The following CCDC63 variants were observed in gnomAD, a reference collection of about 807,000 sequenced individuals.
The protein encoded by CCDC63 is coiled-coil domain-containing protein 63.
In CCDC63, 54 loss-of-function variants were observed where a neutral mutation model predicts 63.6. The ratio of observed to expected loss-of-function variants is 0.85; its 90% CI spans 0.68 to 1.07. CCDC63 has a LOEUF of 1.07. CCDC63 is among the 50% of genes least tolerant of loss of function. The pLI, the probability that CCDC63 is intolerant of heterozygous loss-of-function variation, is 0.00. For synonymous variants in CCDC63, 253 were observed against 266.1 expected (o/e 0.95, Z 0.48); for missense variants, 637 against 689.6 (o/e 0.92, Z 0.86).
At chr12:110,906,933 G>A (rs888446584) in intron 11 of CCDC63, among the ~76,000 whole-genome samples, 2 of 152,168 alleles carry the variant, frequency 1.3e-5, no homozygotes, top group Non-Finnish European at 2.9e-5. Context: ...TGGCCTACAG[G>A]TGTGAATTAG....
chr12:110,903,887 G>C (rs1294898610), intron 10 of CCDC63, among the ~76,000 whole-genome samples: 1 of 152,110 alleles, frequency 6.6e-6, no homozygotes, highest in Non-Finnish European at 1.5e-5. Flanking sequence ...TTTAAGGTGG[G>C]GCTCCCAATT....
intron 4 of CCDC63, among the ~76,000 whole-genome samples, chr12:110,859,558 G>C (rs1056771495): frequency 2.0e-5 from 3 of 151,824 alleles, no homozygotes; most frequent in Non-Finnish European, 4.4e-5. Context: ...TTCCCGCCTC[G>C]GCCTCCCAAA....
chr12:110,897,764 G>A (rs187522172), intron 9 of CCDC63, among the ~76,000 whole-genome samples: 8 of 133,582 alleles, frequency 6.0e-5, no homozygotes, highest in Non-Finnish European at 1.1e-4. Context: ...ATAGAGTCTC[G>A]CTCTGTCACC....
chr12:110,893,033 G>A, intron 8 of CCDC63, 43 bp from the exon 9 acceptor site: 2 of 1,529,354 alleles, frequency 1.3e-6, no homozygotes, highest in South Asian at 2.3e-5. Flanking sequence ...AGTGGGGAGG[G>A]AAGAGCCCAC....
At chr12:110,864,081 T>C (rs1427517948) in intron 4 of CCDC63, among the ~76,000 whole-genome samples, 1 of 152,236 alleles carries the variant, frequency 6.6e-6, no homozygotes, top group African/African-American at 2.4e-5. Context: ...GGCTGGCATA[T>C]ATGCCCATTT....
At chr12:110,867,182 C>A (rs1370965003) in intron 4 of CCDC63, among the ~76,000 whole-genome samples, 2 of 143,166 alleles carry the variant, frequency 1.4e-5, no homozygotes, top group Non-Finnish European at 3.1e-5. Context: ...GGGCTGACAC[C>A]CCCACCTCCC....
intron 10 of CCDC63, among the ~76,000 whole-genome samples, chr12:110,900,512 C>A (rs1221319776): frequency 6.6e-6 from 1 of 151,982 alleles, no homozygotes; most frequent in African/African-American, 2.4e-5. Context: ...ACCCTAAGCT[C>A]AGAGAGGACA....
chr12:110,883,597 T>G (rs901756197), intron 7 of CCDC63, among the ~76,000 whole-genome samples: 13 of 145,690 alleles, frequency 8.9e-5, no homozygotes, highest in Non-Finnish European at 1.8e-4. Context: ...CATACTACTA[T>G]ATATATATTT....
At chr12:110,885,450 C>G (rs138788332) in intron 8 of CCDC63, among the ~76,000 whole-genome samples, 36 of 152,344 alleles carry the variant, frequency 2.4e-4, no homozygotes, top group African/African-American at 8.2e-4. Flanking sequence ...TTGGAACTGT[C>G]TGCATGGAAT....
At chr12:110,899,193 G>A in intron 10 of CCDC63, 68 bp downstream of exon 10, 1 of 1,410,602 alleles carries the variant, frequency 7.1e-7, no homozygotes, top group South Asian at 1.4e-5. Flanking sequence ...CTGAGCATAA[G>A]GCCTTGCTCT....
chr12:110,847,790 T>C (rs1051169725), intron 1 of CCDC63, among the ~76,000 whole-genome samples: 2 of 152,206 alleles, frequency 1.3e-5, no homozygotes, highest in African/African-American at 4.8e-5. Context: ...CCAAGGTCCC[T>C]AGGGAATCCT....
chr12:110,887,928 C>T (rs2071305659), intron 8 of CCDC63, among the ~76,000 whole-genome samples: 2 of 152,122 alleles, frequency 1.3e-5, no homozygotes, highest in Admixed American at 1.3e-4. Context: ...TTGGTCTCCT[C>T]CACCTCCCCA....
chr12:110,860,416 G>A (rs1326771621), intron 4 of CCDC63, among the ~76,000 whole-genome samples: 1 of 152,132 alleles, frequency 6.6e-6, no homozygotes, highest in Non-Finnish European at 1.5e-5. Flanking sequence ...CTTCACAAGG[G>A]CAAGGACCAC....
At chr12:110,860,461 G>A (rs61940977) in intron 4 of CCDC63, among the ~76,000 whole-genome samples, 1 of 152,176 alleles carries the variant, frequency 6.6e-6, no homozygotes, top group African/African-American at 2.4e-5. Context: ...ACCCCTGCCC[G>A]CAACCCCGTG....
intron 4 of CCDC63, among the ~76,000 whole-genome samples, chr12:110,871,606 C>A (rs148816543): frequency 1.3e-5 from 2 of 150,288 alleles, no homozygotes; most frequent in East Asian, 3.9e-4. Flanking sequence ...GTCACCAGAG[C>A]AAGACTGGAG....
intron 3 of CCDC63, among the ~76,000 whole-genome samples, chr12:110,856,961 A>C: frequency 1.5e-5 from 2 of 137,772 alleles, no homozygotes; most frequent in African/African-American, 2.7e-5. Flanking sequence ...CAATCCTCCC[A>C]CCTCAGCTAC....
At chr12:110,870,746 C>G (rs1319689988) in intron 4 of CCDC63, among the ~76,000 whole-genome samples, 1 of 152,172 alleles carries the variant, frequency 6.6e-6, no homozygotes, top group African/African-American at 2.4e-5. Flanking sequence ...TCATCTTCAC[C>G]TTCTATTTTG....
chr12:110,889,834 T>C lies in CCDC63; in HGVS notation c.1075-3242T>C, dbSNP rs1456553767. On this transcript the variant is annotated intron_variant, in intron 8 of 11. Coordinates refer to ENST00000308208, the MANE Select transcript of CCDC63 (RefSeq NM_152591.3). The surrounding 1 kb of genome is among the most constrained non-coding windows in gnomAD (Gnocchi z 4.1). ...GAGATCCCCCACCCCACCCCTGCCC[T>C]GTAAAGATCGGAAGACTCACTTCCT... 6.6e-6 allele frequency among the ~76,000 whole-genome samples: 1 copy of C among 151,108 alleles called. No homozygotes were observed. Among genetic ancestry groups the C allele is most frequent in the Non-Finnish European group, 1.5e-5 (1 of 67,710 alleles).
chr12:110,893,141 AC>A lies in CCDC63; in HGVS notation c.1141del (p.Gln381SerfsTer6), dbSNP rs1460794955. ...SHDDNHSVLR[Q>X]LEDKLRKTTE... Reference sequence around the variant, plus strand: ...ACGATGACAACCACTCTGTCCTGAGACAGCTGGAGGTGAGAACAGGATCGGG... The same window carrying A: ...ACGATGACAACCACTCTGTCCTGAGAAGCTGGAGGTGAGAACAGGATCGGG... On this transcript the variant is annotated frameshift_variant, in exon 9 of 12. Transcript: ENST00000308208. LOFTEE classifies it high-confidence loss of function. 1 of 1,613,830 alleles carries A rather than the reference AC, an allele frequency of 6.2e-7. No individual in the cohort carries two copies. The highest frequency in any genetic ancestry group is 1.7e-5 in the Admixed American group (1 of 59,998).
Sources: gnomAD v4.1 joint callset for allele counts (sites outside exome capture counted in the v4.1 genomes callset) on GRCh38, gnomAD v4.1.1 for gene constraint, Gnocchi (gnomAD v3.1) non-coding constraint, MANE v1.5 for transcripts, NCBI Gene and HGNC (gene_info 2026-07-23, HGNC 2026-07-21) for gene names.